ANXA8: variants seen among roughly 807,000 people sequenced by gnomAD.
The protein encoded by ANXA8 is VAC-beta.
A neutral mutation model predicts 26.8 loss-of-function variants in ANXA8; 9 were observed. That is an observed-to-expected ratio of 0.34 (90% CI 0.20 to 0.59). ANXA8 has a LOEUF of 0.59. Ranked by LOEUF, ANXA8 falls within the 20% of genes least tolerant of loss-of-function variation. ANXA8 has a pLI of 0.84. For missense variants in ANXA8, 83 were observed against 238.5 expected (o/e 0.35, Z 4.29); for synonymous variants, 39 against 94.8 (o/e 0.41, Z 3.42).
the ANXA8 span, among the ~76,000 whole-genome samples, chr10:47,888,978 A>C: frequency 9.5e-5 from 6 of 63,464 alleles, no homozygotes; most frequent in Non-Finnish European, 1.4e-4. Context: ...ATAATATAAT[A>C]TATATGTGTG....
At chr10:47,627,386 C>T in the ANXA8 span, among the ~76,000 whole-genome samples, 1 of 150,158 alleles carries the variant, frequency 6.7e-6, no homozygotes, top group Admixed American at 6.6e-5. Context: ...CTTGAAGTTT[C>T]TCTCAAACTG....
At chr10:47,549,931 C>A in the ANXA8 span, among the ~76,000 whole-genome samples, 1 of 145,908 alleles carries the variant, frequency 6.9e-6, no homozygotes, top group African/African-American at 2.6e-5. Flanking sequence ...ATGGGGAAAT[C>A]CCATCTCTAC....
At chr10:47,982,752 C>T in the ANXA8 span, among the ~76,000 whole-genome samples, 1 of 129,378 alleles carries the variant, frequency 7.7e-6, no homozygotes, top group African/African-American at 2.8e-5. Flanking sequence ...AGGACACCAT[C>T]AAGAAAGTCA....
chr10:47,525,443 G>A, the ANXA8 span, among the ~76,000 whole-genome samples: 20 of 141,448 alleles, frequency 1.4e-4, no homozygotes, highest in South Asian at 4.3e-3. Context: ...AAGATCTCAT[G>A]AGGACTTACT....
chr10:47,657,431 G>C, the ANXA8 span, among the ~76,000 whole-genome samples: 1 of 151,844 alleles, frequency 6.6e-6, no homozygotes, highest in Non-Finnish European at 1.5e-5. Flanking sequence ...GCTGTGTAGT[G>C]CTGTGGAAAT....
At chr10:47,561,304 C>T in the ANXA8 span, among the ~76,000 whole-genome samples, 3 of 151,506 alleles carry the variant, frequency 2.0e-5, no homozygotes, top group Admixed American at 6.6e-5. Context: ...AATGAGGTCT[C>T]ACTATGTTGG....
At chr10:47,743,915 C>G in the ANXA8 span, among the ~76,000 whole-genome samples, 197 of 136,426 alleles carry the variant, frequency 1.4e-3, 15 homozygotes, top group South Asian at 0.018. Context: ...TGATGCCAGC[C>G]GATTCTCAAA....
the ANXA8 span, among the ~76,000 whole-genome samples, chr10:47,932,329 T>TG: frequency 6.6e-6 from 1 of 150,444 alleles, no homozygotes; most frequent in South Asian, 2.1e-4. Flanking sequence ...GGCCCATCTG[T>TG]GGGGGGCATC....
the ANXA8 span, among the ~76,000 whole-genome samples, chr10:47,651,291 A>AT: frequency 6.6e-6 from 1 of 151,024 alleles, no homozygotes; most frequent in African/African-American, 2.4e-5. Flanking sequence ...CTCAAAAAAA[A>AT]AAAAAACCCA....
chr10:47,559,602 C>T, the ANXA8 span, among the ~76,000 whole-genome samples: 1 of 151,842 alleles, frequency 6.6e-6, no homozygotes, highest in South Asian at 2.1e-4. Flanking sequence ...AGTATTGCCG[C>T]AGAGTATTTT....
chr10:47,693,375 T>G, the ANXA8 span, among the ~76,000 whole-genome samples: 1 of 150,288 alleles, frequency 6.7e-6, no homozygotes, highest in Non-Finnish European at 1.5e-5. Flanking sequence ...CTGCAAGCTC[T>G]GCCTCCCGGG....
At chr10:47,543,723 T>G in the ANXA8 span, 6 of 499,596 alleles carry the variant, frequency 1.2e-5, no homozygotes, top group African/African-American at 2.1e-5. Flanking sequence ...ATACCTCCTT[T>G]CATGTGTCAA....
the ANXA8 span, among the ~76,000 whole-genome samples, chr10:47,952,851 A>T: frequency 6.7e-6 from 1 of 149,018 alleles, no homozygotes; most frequent in African/African-American, 2.5e-5. Context: ...GTTGATTCCT[A>T]ACAAAGTTAC....
chr10:47,939,326 A>G, the ANXA8 span, among the ~76,000 whole-genome samples: 2 of 124,534 alleles, frequency 1.6e-5, no homozygotes, highest in Non-Finnish European at 3.3e-5. Flanking sequence ...AAAAAAAAGC[A>G]CAAGTGGCAT....
chr10:47,687,299 G>C, the ANXA8 span, among the ~76,000 whole-genome samples: 1 of 146,602 alleles, frequency 6.8e-6, no homozygotes, highest in Admixed American at 6.8e-5. Flanking sequence ...GTCTCACTCT[G>C]TCACCCAGGC....
upstream of ANXA8, chr10:47,487,184 T>C (rs1300498657): frequency 2.9e-5 from 29 of 984,474 alleles, no homozygotes; most frequent in Middle Eastern, 3.3e-4. Context: ...TGCCTAGTGT[T>C]TCCATCCAAA....
the ANXA8 span, among the ~76,000 whole-genome samples, chr10:47,555,791 C>T: frequency 3.6e-4 from 55 of 152,150 alleles, 1 homozygote; most frequent in Non-Finnish European, 6.0e-4. Flanking sequence ...AACTGGAGAA[C>T]TGCTTAGTGT....
chr10:47,760,199 TG>T, the ANXA8 span, among the ~76,000 whole-genome samples: 2 of 60,958 alleles, frequency 3.3e-5, no homozygotes, highest in Non-Finnish European at 7.1e-5. Context: ...CCCCCATCCT[TG>T]GAGGTCAGGA....
chr10:47,511,225 G>A, the ANXA8 span, among the ~76,000 whole-genome samples: 39 of 141,120 alleles, frequency 2.8e-4, 4 homozygotes, highest in Non-Finnish European at 5.3e-4. Flanking sequence ...TTACAGGCGT[G>A]AGCCACGGCG....
Sources: allele counts gnomAD v4.1 joint callset (sites outside exome capture counted in the v4.1 genomes callset), GRCh38; gene constraint gnomAD v4.1.1; transcripts MANE v1.5; gene names NCBI Gene and HGNC (gene_info 2026-07-23, HGNC 2026-07-21).